The following ARFGEF1 variants were observed in gnomAD, a reference collection of about 807,000 sequenced individuals.
ARFGEF1 encodes the protein ARF guanine nucleotide exchange factor 1.
A neutral mutation model predicts 231.0 loss-of-function variants in ARFGEF1; 42 were observed. The observed-to-expected ratio is 0.18, with a 90% confidence interval of 0.14 to 0.24. The LOEUF is 0.24. ARFGEF1 is among the 10% of genes least tolerant of loss of function. The pLI is 1.00. For missense variants in ARFGEF1, 1,345 were observed against 2,192.0 expected (o/e 0.61, Z 7.72); for synonymous variants, 710 against 732.3 (o/e 0.97, Z 0.49).
intron 1 of ARFGEF1, among the ~76,000 whole-genome samples, chr8:67,311,837 C>T (rs1587289879): frequency 6.6e-6 from 1 of 152,150 alleles, no homozygotes; most frequent in South Asian, 2.1e-4. Context: ...CGGATGGTTG[C>T]CGTGTCTGTG....
At chr8:67,333,521 C>T (rs1808203016) in intron 1 of ARFGEF1, among the ~76,000 whole-genome samples, 1 of 151,848 alleles carries the variant, frequency 6.6e-6, no homozygotes, top group South Asian at 2.1e-4. Flanking sequence ...GCCATGTTAC[C>T]CAGGTTGGTA....
chr8:67,302,432 A>G lies in ARFGEF1; in HGVS notation c.155+4T>C. Reference sequence around the variant, plus strand: ...TTTTACTAAAGAAAAGAAATCCCACAAACCTCTGTTTTTCAGTTTCCGCTT... The same window carrying G: ...TTTTACTAAAGAAAAGAAATCCCACGAACCTCTGTTTTTCAGTTTCCGCTT... On this transcript the variant is annotated splice_donor_region_variant and intron_variant, in intron 2 of 38. Transcript: ENST00000262215. 1 of 1,570,476 alleles carries G rather than the reference A, an allele frequency of 6.4e-7. No individual in the cohort carries two copies. The highest frequency in any genetic ancestry group is 8.6e-7 in the Non-Finnish European group (1 of 1,162,874).
At chr8:67,339,721 C>T (rs1808515486) in intron 1 of ARFGEF1, among the ~76,000 whole-genome samples, 1 of 131,818 alleles carries the variant, frequency 7.6e-6, no homozygotes, top group East Asian at 2.2e-4. Context: ...GGGCAGGTAC[C>T]AAAAGAGGGC....
rs1166135057 is a variant in ARFGEF1, at chr8:67,198,465, A to G, written c.*469T>C. 15 of 987,474 alleles carry G rather than the reference A, an allele frequency of 1.5e-5. No individual in the cohort carries two copies. Among genetic ancestry groups the G allele is most frequent in the South Asian group, 9.4e-5 (2 of 21,370 alleles). 61.2% of individuals were successfully genotyped at this position (987,474 alleles called of 1,614,324 possible). ...GCCTGAGTGTGCAAAAATCTTCAGA[A>G]TAAGAATACCATAGTTGCTAAATAT... On this transcript the variant is annotated 3_prime_UTR_variant, in exon 39 of 39. Transcript: ENST00000262215.
chr8:67,227,015 T>C, intron 27 of ARFGEF1, 122 bp downstream of exon 27: 1 of 856,254 alleles, frequency 1.2e-6, no homozygotes, highest in Non-Finnish European at 1.7e-6. Flanking sequence ...ACTCTGGTTC[T>C]GTAGACAAAG....
chr8:67,324,979 T>A (rs68086555), intron 1 of ARFGEF1, among the ~76,000 whole-genome samples: 38,285 of 151,310 alleles, frequency 0.25, 5,117 homozygotes, highest in East Asian at 0.38. Flanking sequence ...AACGGCGCTA[T>A]CTTGGCTCAC....
At chr8:67,181,901 T>A (rs938356797) in intron 5 of ARFGEF1, among the ~76,000 whole-genome samples, 2 of 152,226 alleles carry the variant, frequency 1.3e-5, no homozygotes, top group African/African-American at 4.8e-5. Context: ...CTCTAGGACC[T>A]CATGTAAGTG....
intron 2 of ARFGEF1, 55 bp from the exon 3 acceptor site, chr8:67,301,435 T>C (rs1276627832): frequency 1.9e-5 from 28 of 1,510,860 alleles, no homozygotes; most frequent in Non-Finnish European, 2.4e-5. Flanking sequence ...ATATTGATAA[T>C]AAACCCATGT....
At chr8:67,189,023 C>T (rs768424042) in intron 5 of ARFGEF1, among the ~76,000 whole-genome samples, 3 of 152,196 alleles carry the variant, frequency 2.0e-5, no homozygotes, top group Non-Finnish European at 4.4e-5. Flanking sequence ...GTTCTAAGAA[C>T]AAGGACCCGC....
At chr8:67,178,955 T>G (rs1004333767) in intron 5 of ARFGEF1, among the ~76,000 whole-genome samples, 9 of 152,190 alleles carry the variant, frequency 5.9e-5, no homozygotes, top group African/African-American at 2.2e-4. Flanking sequence ...GCATTTTGAC[T>G]GAGTGGGACA....
intron 1 of ARFGEF1, among the ~76,000 whole-genome samples, chr8:67,311,481 G>A (rs1330845473): frequency 2.2e-5 from 3 of 136,480 alleles, no homozygotes; most frequent in Non-Finnish European, 4.7e-5. Flanking sequence ...TCAGCCACCC[G>A]CCTGGCCAGC....
At chr8:67,192,857 T>C (rs371640631), downstream of ARFGEF1, among the ~76,000 whole-genome samples, 2 of 152,220 alleles carry the variant, frequency 1.3e-5, no homozygotes, top group South Asian at 4.1e-4. Flanking sequence ...ACATGTCTTT[T>C]CTTATGTCAG....
intron 33 of ARFGEF1, among the ~76,000 whole-genome samples, chr8:67,215,204 A>G (rs1363231410): frequency 6.6e-6 from 1 of 152,298 alleles, no homozygotes; most frequent in Admixed American, 6.5e-5. Flanking sequence ...AGTGTCATCC[A>G]TCCTTAATGC....
At chr8:67,297,119 G>A (rs1443724296) in intron 4 of ARFGEF1, among the ~76,000 whole-genome samples, 4 of 152,130 alleles carry the variant, frequency 2.6e-5, no homozygotes, top group Admixed American at 2.0e-4. Flanking sequence ...CCTCACTGCG[G>A]CAGTAATTTC....
At chr8:67,192,315 TC>T (rs1836567779) in intron 5 of ARFGEF1, among the ~76,000 whole-genome samples, 1 of 152,162 alleles carries the variant, frequency 6.6e-6, no homozygotes, top group Non-Finnish European at 1.5e-5. Flanking sequence ...CCTCGGGTGA[TC>T]CACCTGCCTC....
At chr8:67,317,374 T>C (rs1807366839) in intron 1 of ARFGEF1, among the ~76,000 whole-genome samples, 1 of 152,104 alleles carries the variant, frequency 6.6e-6, no homozygotes, top group Non-Finnish European at 1.5e-5. Flanking sequence ...GAAAACAGTT[T>C]TGCCAAGGAC....
At chr8:67,209,701 G>A (rs2129577691) in intron 34 of ARFGEF1, among the ~76,000 whole-genome samples, 1 of 152,272 alleles carries the variant, frequency 6.6e-6, no homozygotes, top group South Asian at 2.1e-4. Context: ...CAGTAAAAAA[G>A]TAAAGGGTTC....
chr8:67,313,661 G>C (rs981748537), intron 1 of ARFGEF1, among the ~76,000 whole-genome samples: 1 of 152,188 alleles, frequency 6.6e-6, no homozygotes, highest in African/African-American at 2.4e-5. Context: ...AGTTCTGGTA[G>C]AGGTGGCGGA....
At chr8:67,288,584 T>C (rs376084971) in intron 6 of ARFGEF1, among the ~76,000 whole-genome samples, 3 of 152,028 alleles carry the variant, frequency 2.0e-5, no homozygotes, top group South Asian at 4.2e-4. Flanking sequence ...AATACAAAAA[T>C]TAGCCAGGCG....
Sources: gnomAD v4.1 joint callset for allele counts (sites outside exome capture counted in the v4.1 genomes callset) on GRCh38, gnomAD v4.1.1 for gene constraint, MANE v1.5 for transcripts, NCBI Gene and HGNC (gene_info 2026-07-23, HGNC 2026-07-21) for gene names.